The following SUN2 variants were observed in gnomAD, a reference collection of about 807,000 sequenced individuals.
SUN2 encodes the protein SUN domain-containing protein 2.
A neutral mutation model predicts 100.0 loss-of-function variants in SUN2; 60 were observed. That is an observed-to-expected ratio of 0.60 (90% CI 0.49 to 0.74). The LOEUF (loss-of-function observed/expected upper bound fraction) is 0.74. Among genes scored for constraint, SUN2 ranks in the 30% least tolerant of loss-of-function variants. The probability of loss-of-function intolerance (pLI) is 0.00; values close to 1 mark genes in which losing one functional copy is unlikely to be tolerated. For missense variants in SUN2, 834 were observed against 954.6 expected, an observed-to-expected ratio of 0.87 and a Z score of 1.66; for synonymous variants, 367 against 403.3, an observed-to-expected ratio of 0.91 and a Z score of 1.08.
Position 38,742,467 on chromosome 22 carries a change from T to G in SUN2, c.902A>C (p.Glu301Ala), listed in dbSNP as rs748914609. The stretch of plus-strand genomic sequence containing the variant: ...CTCCAGACGTTCCAGCCGCATGGCC[T>G]CCTTCTGCCAGTTGGAGGAAAATTC... ...AAEFSSNWQK[E>A]AMRLERLELR... Residue 301 changes from glutamate (E) to alanine (A), a missense_variant, in exon 9 of 18, where the codon GAG (glutamate) becomes GCG (alanine). This residue lies in a region of SUN2 where 559 missense variants were observed against 597.7 expected (regional missense o/e 0.94). Coordinates refer to ENST00000689035, the MANE Select transcript of SUN2 (RefSeq NM_015374.3). 5 of 1,613,540 alleles carry G rather than the reference T, an allele frequency of 3.1e-6. No homozygotes were observed. Among genetic ancestry groups the G allele is most frequent in the South Asian group, 1.1e-5 (1 of 91,088 alleles).
At position 38,752,562 on chromosome 22, in the gene SUN2, C is replaced by CGCT. The variant is rs781129819; in HGVS notation, c.64_66dup (p.Ser22dup). On this transcript the variant is annotated inframe_insertion, in exon 2 of 18. Transcript: ENST00000689035. The stretch of plus-strand genomic sequence containing the variant: ...TGACTCCCAGCCACCGAGCTCCCTC[C>CGCT]GCTGCTGCTGCTGCCGTCATCGTCA... 1.9e-6 allele frequency: 3 copies of CGCT among 1,613,936 alleles called. No individual in the cohort carries two copies. Among genetic ancestry groups the CGCT allele is most frequent in the East Asian group, 2.2e-5 (1 of 44,840 alleles).
chr22:38,742,624 C>T (rs1275475416), intron 8 of SUN2, 69 bp from the exon 9 acceptor site: 18 of 1,524,586 alleles, frequency 1.2e-5, no homozygotes, highest in African/African-American at 2.7e-5. Flanking sequence ...AAGACCACCC[C>T]GACACAGCCA....
chr22:38,738,279 G>A lies in SUN2; in HGVS notation c.1948-14C>T, dbSNP rs541766920. ...TTCGTCAAACCCCTGCAAAGAGAGCGGAGGGAAGTGGGGAGGGGCTGGAGC... is the reference window on the plus strand; with the variant it reads ...TTCGTCAAACCCCTGCAAAGAGAGCAGAGGGAAGTGGGGAGGGGCTGGAGC... On this transcript the variant is annotated splice_polypyrimidine_tract_variant and intron_variant, in intron 16 of 17. Coordinates refer to ENST00000689035, the MANE Select transcript of SUN2 (RefSeq NM_015374.3). This position sits in a 1 kb window ranked among gnomAD's most constrained non-coding sequence, Gnocchi z 6.6. 1.6e-5 allele frequency: 26 copies of A among 1,609,454 alleles called. No homozygotes were observed. The Middle Eastern group carries it at 5.0e-4, about 31-fold the overall frequency.
In SUN2 at chr22:38,752,583, C is replaced by T. The variant is rs145577519; in HGVS notation, c.46G>A (p.Asp16Asn). Residue 16 changes from aspartate (D) to asparagine (N), a missense_variant, in exon 2 of 18, where the codon GAT (aspartate) becomes AAT (asparagine). By Grantham distance (23) the Asp-to-Asn change is conservative. This residue lies in a region of SUN2 where 559 missense variants were observed against 597.7 expected (regional missense o/e 0.94). Transcript: ENST00000689035. Reference protein sequence around the residue: ...QRLTRYSQGDDDGSSSSGGSS... With the variant: ...QRLTRYSQGDNDGSSSSGGSS... The stretch of plus-strand genomic sequence containing the variant: ...CCTCCGCTGCTGCTGCTGCCGTCAT[C>T]GTCACCCTGGGAGTAGCGCGTGAGG... 23 of 1,614,012 alleles carry T rather than the reference C, an allele frequency of 1.4e-5. No individual in the cohort carries two copies. In the African/African-American group the frequency reaches 1.9e-4, roughly 13 times the overall value.
intron 1 of SUN2, among the ~76,000 whole-genome samples, chr22:38,753,113 C>A (rs116009820): frequency 6.6e-6 from 1 of 152,092 alleles, no homozygotes; most frequent in African/African-American, 2.4e-5. Context: ...CTCCCAGTCT[C>A]GCTCTAGCTG....
At position 38,738,151 on chromosome 22, in the gene SUN2, C is replaced by G. The variant is rs1569294129; in HGVS notation, c.2040+22G>C. On this transcript the variant is annotated intron_variant, in intron 17 of 17. Coordinates refer to ENST00000689035, the MANE Select transcript of SUN2 (RefSeq NM_015374.3). The surrounding 1 kb of genome is among the most constrained non-coding windows in gnomAD (Gnocchi z 6.6). Reference sequence around the variant, plus strand: ...GGATGGGGAGTCTGCGCCACTTCTGCTAGCACAGCAGCATCCCGTACCTGA... The same window carrying G: ...GGATGGGGAGTCTGCGCCACTTCTGGTAGCACAGCAGCATCCCGTACCTGA... 2 of 1,611,104 alleles carry G rather than the reference C, an allele frequency of 1.2e-6. No homozygotes were observed. The highest frequency in any genetic ancestry group is 1.6e-4 in the Middle Eastern group (1 of 6,080).
intron 1 of SUN2, chr22:38,754,495 G>T: frequency 1.7e-6 from 1 of 594,044 alleles, no homozygotes; most frequent in Non-Finnish European, 2.6e-6. Context: ...CGCCCATCTG[G>T]CATCCCCTCT....
At chr22:38,751,882 G>C (rs548455042) in intron 2 of SUN2, among the ~76,000 whole-genome samples, 3 of 152,206 alleles carry the variant, frequency 2.0e-5, no homozygotes, top group Non-Finnish European at 2.9e-5. Flanking sequence ...GAGCAGGGGG[G>C]GTTCCTGTGA....
At chr22:38,751,171 G>A (rs777192380) in intron 3 of SUN2, 39 bp downstream of exon 3, 16 of 1,604,046 alleles carry the variant, frequency 1.0e-5, no homozygotes, top group East Asian at 4.5e-5. Flanking sequence ...GCGGGAGGCC[G>A]AGGAAGCAAA....
At position 38,742,567 on chromosome 22, in the gene SUN2, G is replaced by C. The variant is rs777304475; in HGVS notation, c.814-12C>G. 2.0e-5 allele frequency: 32 copies of C among 1,601,498 alleles called. No individual in the cohort carries two copies. The highest frequency in any genetic ancestry group is 2.6e-5 in the Non-Finnish European group (31 of 1,172,310). ...ACACGCTGCTCAGCCTGGAAGGGCA[G>C]AGAGAGAGCCACGGAGTGAGGGACC... On this transcript the variant is annotated splice_polypyrimidine_tract_variant and intron_variant, in intron 8 of 17. Transcript: ENST00000689035.
chr22:38,752,096 T>C (rs1939505916), intron 2 of SUN2, among the ~76,000 whole-genome samples: 2 of 152,336 alleles, frequency 1.3e-5, no homozygotes, highest in African/African-American at 4.8e-5. Flanking sequence ...TGCCTCAGCC[T>C]CCTGAGTAGC....
At chr22:38,754,791 G>A (rs1298258582) in intron 1 of SUN2, 1 of 1,285,508 alleles carries the variant, frequency 7.8e-7, no homozygotes, top group Non-Finnish European at 1.0e-6. Flanking sequence ...GATGGAGGTT[G>A]AGCGGGGAGT....
chr22:38,736,668 G>T, intron 17 of SUN2: 1 of 259,010 alleles, frequency 3.9e-6, no homozygotes. Context: ...CCTTCATAGA[G>T]GGCTTCATAG....
Position 38,739,563 on chromosome 22 carries a change from A to C in SUN2, c.1579-137T>G, listed in dbSNP as rs1441058182. ...TGCTGGTGCCCAGGCAGATGTGGGCACACTGCCACCCACCCATGCCAGCCC... is the reference window on the plus strand; with the variant it reads ...TGCTGGTGCCCAGGCAGATGTGGGCCCACTGCCACCCACCCATGCCAGCCC... On this transcript the variant is annotated intron_variant, in intron 13 of 17. Transcript: ENST00000689035. The surrounding 1 kb of genome is among the most constrained non-coding windows in gnomAD (Gnocchi z 6.7). 17 of 1,297,362 alleles carry C rather than the reference A, an allele frequency of 1.3e-5. No homozygotes were observed. The Admixed American group carries it at 3.2e-4, about 24-fold the overall frequency. 80.4% of individuals were successfully genotyped at this position (1,297,362 alleles called of 1,614,324 possible).
In SUN2 at chr22:38,735,408, A is replaced by G; in HGVS notation, c.*859T>C. ...TTCCATGCTCCCCACTCTTCTTGCT[A>G]TAACCCCAGATGCTAATGGCCCCAA... On this transcript the variant is annotated 3_prime_UTR_variant, in exon 18 of 18. Transcript: ENST00000689035. The G allele has an allele frequency of 2.8e-6, 1 of 352,316 alleles. No homozygotes were observed. Among genetic ancestry groups the G allele is most frequent in the Non-Finnish European group, 5.6e-6 (1 of 179,452 alleles). 21.8% of individuals were successfully genotyped at this position (352,316 alleles called of 1,614,324 possible).
rs939117599 is a variant in SUN2, at chr22:38,736,006, G to T, written c.*261C>A. 4 of 430,164 alleles carry T rather than the reference G, an allele frequency of 9.3e-6. No homozygotes were observed. The highest frequency in any genetic ancestry group is 8.3e-5 in the African/African-American group (4 of 48,152). 26.6% of individuals were successfully genotyped at this position (430,164 alleles called of 1,614,324 possible). A position where few individuals can be genotyped will look rare whatever the true frequency, so the allele number is the denominator to read the frequency against. On this transcript the variant is annotated 3_prime_UTR_variant, in exon 18 of 18. Transcript: ENST00000689035. Reference sequence around the variant, plus strand: ...CCAACTTCCCAGTCCCCCATGATATGCTACATATATACACACTCCCAGGAT... The same window carrying T: ...CCAACTTCCCAGTCCCCCATGATATTCTACATATATACACACTCCCAGGAT...
At chr22:38,743,763 A>C (rs1315489934) in intron 8 of SUN2, 1 of 152,148 alleles carries the variant, frequency 6.6e-6, no homozygotes, top group Non-Finnish European at 1.5e-5. Flanking sequence ...TTTTTACAAA[A>C]AAGATGGTTC....
rs539528181 is a variant in SUN2 at position 38,751,207 on chromosome 22, C to T, written c.286+3G>A. ...GCCCCGGGACGGAGGGCTCCACACT[C>T]ACCCCAGTTGGCGTCACCATGCAGT... On this transcript the variant is annotated splice_donor_region_variant and intron_variant, in intron 3 of 17. Transcript: ENST00000689035. 1.2e-6 allele frequency: 2 copies of T among 1,610,860 alleles called. No homozygotes were observed. Among genetic ancestry groups the T allele is most frequent in the Non-Finnish European group, 1.7e-6 (2 of 1,177,488 alleles).
In SUN2 at chr22:38,738,420, G is replaced by C; in HGVS notation, c.1948-155C>G. Reference sequence around the variant, plus strand: ...TTGTGCCACAGTTTCTGCCTCCAAAGCCTAAGGTAACAGGGACTGAAGTGC... The same window carrying C: ...TTGTGCCACAGTTTCTGCCTCCAAACCCTAAGGTAACAGGGACTGAAGTGC... On this transcript the variant is annotated intron_variant, in intron 16 of 17. Transcript: ENST00000689035. The surrounding 1 kb of genome is among the most constrained non-coding windows in gnomAD (Gnocchi z 6.6). The C allele has an allele frequency of 8.8e-7, 1 of 1,136,304 alleles. No individual in the cohort carries two copies. The highest frequency in any genetic ancestry group is 1.3e-6 in the Non-Finnish European group (1 of 793,528). The allele number at this position is 1,136,304 out of a possible 1,614,324, so 70.4% of individuals were successfully genotyped here. A position where few individuals can be genotyped will look rare whatever the true frequency, so the allele number is the denominator to read the frequency against.
Sources: gnomAD v4.1 joint callset for allele counts (sites outside exome capture counted in the v4.1 genomes callset) on GRCh38, gnomAD v4.1.1 for gene constraint, gnomAD v4.1.1 regional missense constraint, Gnocchi (gnomAD v3.1) non-coding constraint, MANE v1.5 for transcripts, NCBI Gene and HGNC (gene_info 2026-07-23, HGNC 2026-07-21) for gene names.